The following PCDH11X variants were observed in gnomAD, a reference collection of about 807,000 sequenced individuals.
PCDH11X encodes protocadherin 11 X-linked, also known as protocadherin-11 X-linked.
Under a neutral mutation model 53.3 loss-of-function variants are expected in PCDH11X, and 18 were observed. The observed-to-expected ratio is 0.34, with a 90% CI of 0.23 to 0.50. The LOEUF is 0.50. PCDH11X is among the 20% of genes least tolerant of loss of function. PCDH11X has a pLI of 0.98. For missense variants in PCDH11X, 570 were observed against 1,032.4 expected (o/e 0.55, Z 6.14); for synonymous variants, 279 against 393.3 (o/e 0.71, Z 3.44).
At chrX:91,912,153 A>G (rs1488825570) in intron 6 of PCDH11X, among the ~76,000 whole-genome samples, 1 of 111,786 alleles carries the variant, frequency 8.9e-6, no homozygotes, top group Non-Finnish European at 1.9e-5. Context: ...TGCTAAATTT[A>G]TCAGTTCAAA....
chrX:92,494,008 C>A (rs996615233), intron 10 of PCDH11X, among the ~76,000 whole-genome samples: 1 of 103,742 alleles, frequency 9.6e-6, no homozygotes, highest in Admixed American at 1.1e-4. Flanking sequence ...AGGTTATTTT[C>A]TTTCCCTTCA....
intron 1 of PCDH11X, among the ~76,000 whole-genome samples, chrX:91,788,729 T>A (rs1051700158): frequency 9.0e-6 from 1 of 111,456 alleles, no homozygotes; most frequent in Non-Finnish European, 1.9e-5. Flanking sequence ...GACTGCTTTA[T>A]TTTACTTTGT....
chrX:92,410,671 A>G (rs190301475), intron 9 of PCDH11X, among the ~76,000 whole-genome samples: 18 of 103,724 alleles, frequency 1.7e-4, no homozygotes, highest in Non-Finnish European at 3.1e-4. Flanking sequence ...ATAAGGCTGT[A>G]AATCCAGAAA....
intron 6 of PCDH11X, among the ~76,000 whole-genome samples, chrX:92,088,165 A>G (rs1464243225): frequency 9.2e-6 from 1 of 109,246 alleles, no homozygotes; most frequent in East Asian, 2.9e-4. Context: ...TGCATTTAAA[A>G]TGAAGAGATT....
chrX:92,486,200 A>G (rs2073637892), intron 10 of PCDH11X, among the ~76,000 whole-genome samples: 1 of 111,324 alleles, frequency 9.0e-6, no homozygotes, highest in Admixed American at 9.6e-5. Flanking sequence ...TTTAACATAG[A>G]AAGTTGTAAA....
chrX:92,487,735 A>G (rs1045002238), intron 10 of PCDH11X, among the ~76,000 whole-genome samples: 1 of 111,115 alleles, frequency 9.0e-6, no homozygotes, highest in African/African-American at 3.3e-5. Flanking sequence ...AGGTATAGAA[A>G]GGGTTTTCAC....
At chrX:91,984,743 G>C (rs1023220792) in intron 6 of PCDH11X, among the ~76,000 whole-genome samples, 2 of 111,069 alleles carry the variant, frequency 1.8e-5, no homozygotes, top group African/African-American at 6.6e-5. Context: ...CCTTTCTCCC[G>C]CCCCCCATCC....
At chrX:91,805,252 A>G (rs889195870) in intron 1 of PCDH11X, among the ~76,000 whole-genome samples, 2 of 109,829 alleles carry the variant, frequency 1.8e-5, no homozygotes, top group African/African-American at 3.3e-5. Context: ...TTTCAGATCC[A>G]GAATTCAGTT....
At chrX:92,247,984 G>A (rs1313720795) in intron 7 of PCDH11X, among the ~76,000 whole-genome samples, 1 of 107,376 alleles carries the variant, frequency 9.3e-6, no homozygotes, top group Non-Finnish European at 1.9e-5. Context: ...AATTCAACTG[G>A]AAAAAAATGA....
chrX:92,515,529 A>C (rs2074252871), intron 10 of PCDH11X: 1 of 218,450 alleles, frequency 4.6e-6, no homozygotes, highest in Admixed American at 8.5e-5. Context: ...GCGGGCTCCC[A>C]TGACACGTTA....
intron 6 of PCDH11X, among the ~76,000 whole-genome samples, chrX:92,053,101 T>C (rs981260036): frequency 8.9e-6 from 1 of 112,009 alleles, no homozygotes; most frequent in African/African-American, 3.2e-5. Context: ...ATTAGTACTA[T>C]TCATGTATTT....
chrX:92,109,306 G>A (rs1336721533), intron 6 of PCDH11X, among the ~76,000 whole-genome samples: 3 of 110,685 alleles, frequency 2.7e-5, no homozygotes, highest in Non-Finnish European at 3.8e-5. Flanking sequence ...TCCAGGAGAC[G>A]GAGGTTGCTG....
intron 6 of PCDH11X, among the ~76,000 whole-genome samples, chrX:92,111,336 T>C (rs2064506666): frequency 9.2e-6 from 1 of 108,240 alleles, no homozygotes; most frequent in Non-Finnish European, 1.9e-5. Flanking sequence ...GTCTAGAAAC[T>C]TCATATTCTA....
intron 5 of PCDH11X, among the ~76,000 whole-genome samples, chrX:91,846,382 C>T (rs1937654213): frequency 1.8e-5 from 2 of 110,690 alleles, no homozygotes; most frequent in Non-Finnish European, 1.9e-5. Context: ...CTTTCGGAGG[C>T]CGTGGCGGGC....
At chrX:92,269,713 A>T (rs1159448881) in intron 8 of PCDH11X, among the ~76,000 whole-genome samples, 2 of 111,411 alleles carry the variant, frequency 1.8e-5, no homozygotes, top group Admixed American at 9.6e-5. Context: ...TCAATAAAAA[A>T]ATATATAAAA....
chrX:92,606,714 C>T (rs954549409), intron 10 of PCDH11X, among the ~76,000 whole-genome samples: 8 of 111,108 alleles, frequency 7.2e-5, no homozygotes, highest in Admixed American at 5.8e-4. Context: ...AGGATATCAT[C>T]GAGAAAGTGA....
intron 6 of PCDH11X, among the ~76,000 whole-genome samples, chrX:91,976,550 C>G (rs931906962): frequency 2.7e-5 from 3 of 111,457 alleles, no homozygotes; most frequent in Admixed American, 9.6e-5. Flanking sequence ...GAGATCTGAA[C>G]ACAGAGGTTA....
At chrX:92,392,867 A>T (rs896710438) in intron 9 of PCDH11X, among the ~76,000 whole-genome samples, 4 of 107,549 alleles carry the variant, frequency 3.7e-5, no homozygotes, top group African/African-American at 1.3e-4. Flanking sequence ...TATCTAAAAA[A>T]TTCAAGGAGA....
At chrX:92,336,915 G>A (rs1391031114) in intron 8 of PCDH11X, among the ~76,000 whole-genome samples, 1 of 110,700 alleles carries the variant, frequency 9.0e-6, no homozygotes, top group Non-Finnish European at 1.9e-5. Context: ...TCCTTACAGC[G>A]CTGTCTTCTA....
Sources: allele counts gnomAD v4.1 joint callset (sites outside exome capture counted in the v4.1 genomes callset), GRCh38; gene constraint gnomAD v4.1.1; transcripts MANE v1.5; gene names NCBI Gene and HGNC (gene_info 2026-07-23, HGNC 2026-07-21).